Variants in ESRRG observed in about 807,000 individuals in gnomAD.
ESRRG encodes estrogen related receptor gamma.
Under a neutral mutation model 44.0 loss-of-function variants are expected in ESRRG, and 13 were observed. The observed-to-expected ratio is 0.30, with a 90% confidence interval of 0.19 to 0.47. ESRRG has a LOEUF of 0.47. Ranked by LOEUF, ESRRG falls within the 20% of genes least tolerant of loss-of-function variation. The pLI is 1.00. For missense variants in ESRRG, 395 were observed against 580.6 expected (o/e 0.68, Z 3.29); for synonymous variants, 215 against 214.6 (o/e 1.00, Z -0.02).
intron 2 of ESRRG, among the ~76,000 whole-genome samples, chr1:216,816,990 C>G (rs2095158163): frequency 6.6e-6 from 1 of 151,602 alleles, no homozygotes; most frequent in African/African-American, 2.4e-5. Context: ...AATATCACAA[C>G]CAAATTTAAA....
chr1:216,565,383 A>T (rs559454894), intron 4 of ESRRG, among the ~76,000 whole-genome samples: 2 of 152,294 alleles, frequency 1.3e-5, no homozygotes, highest in South Asian at 4.1e-4. Context: ...ACATATTTAA[A>T]TGTTCTATGT....
intron 1 of ESRRG, among the ~76,000 whole-genome samples, chr1:217,055,368 C>T (rs2086872024): frequency 6.6e-6 from 1 of 152,094 alleles, no homozygotes; most frequent in Non-Finnish European, 1.5e-5. Flanking sequence ...GCTGGCTGTA[C>T]AGGAGAACCA....
rs570378188 is a variant in ESRRG at position 216,783,444 on chromosome 1, T to A, written c.-13-105953A>T. 1.5e-3 allele frequency among the ~76,000 whole-genome samples: 221 copies of A among 152,186 alleles called. 1 individual carries two copies. The highest frequency in any genetic ancestry group is 2.6e-3 in the Non-Finnish European group (174 of 67,996). On this transcript the variant is annotated intron_variant, in intron 2 of 7. Coordinates refer to the ESRRG transcript ENST00000359162. ...CAGAAATTCTCTTTTACAGTTTCAA[T>A]TTTTTTATCTTTAATCTTTAATTAA... is the stretch of plus-strand genomic sequence containing the variant.
chr1:216,920,519 C>T (rs546269791), intron 2 of ESRRG, among the ~76,000 whole-genome samples: 20 of 152,044 alleles, frequency 1.3e-4, no homozygotes, highest in Non-Finnish European at 2.5e-4. Context: ...TATTTAATGA[C>T]GTCTTTTTAT....
At chr1:217,125,715 C>T (rs745901860) in intron 1 of ESRRG, among the ~76,000 whole-genome samples, 12 of 152,180 alleles carry the variant, frequency 7.9e-5, no homozygotes, top group Non-Finnish European at 1.2e-4. Flanking sequence ...TGGAAGATCA[C>T]TTTGAATCTA....
At chr1:216,888,243 A>C (rs1210672234) in intron 2 of ESRRG, among the ~76,000 whole-genome samples, 1 of 152,208 alleles carries the variant, frequency 6.6e-6, no homozygotes, top group Non-Finnish European at 1.5e-5. Context: ...ATTCGTTATT[A>C]CAGCTGCAGA....
chr1:217,060,805 T>TAGAC (rs1558152332), intron 1 of ESRRG, among the ~76,000 whole-genome samples: 956 of 57,932 alleles, frequency 0.017, 9 homozygotes, highest in African/African-American at 0.039. Context: ...GATAGATAGA[T>TAGAC]AGATAGATAG....
At chr1:216,912,133 A>AAGAAG (rs1560080797) in intron 2 of ESRRG, among the ~76,000 whole-genome samples, 5 of 23,522 alleles carry the variant, frequency 2.1e-4, no homozygotes, top group Non-Finnish European at 2.9e-4. Context: ...AAGAAAAGAA[A>AAGAAG]AGAAAAGAAA....
At chr1:217,023,335 G>A (rs1363576153) in intron 1 of ESRRG, among the ~76,000 whole-genome samples, 1 of 152,124 alleles carries the variant, frequency 6.6e-6, no homozygotes, top group African/African-American at 2.4e-5. Context: ...ACCAGGAGGA[G>A]GGTTCCCAGA....
chr1:217,125,913 T>G (rs150437998), intron 1 of ESRRG, among the ~76,000 whole-genome samples: 5 of 152,330 alleles, frequency 3.3e-5, no homozygotes, highest in African/African-American at 1.2e-4. Flanking sequence ...GAGAACCTCT[T>G]GTGGGTATTA....
Position 216,756,930 on chromosome 1 carries a change from T to C in ESRRG, c.-13-79439A>G, listed in dbSNP as rs148820157. On this transcript the variant is annotated intron_variant, in intron 2 of 7. Coordinates refer to the ESRRG transcript ENST00000359162. ...AAACATTATCACAAATAGGCCCATA[T>C]CTCATAACTGAGATGTCTAGGGTAC... Among the ~76,000 whole-genome samples, 89 of 152,038 alleles carry C rather than the reference T, an allele frequency of 5.9e-4. 1 individual carries two copies. The East Asian group carries it at 0.013, about 23-fold the overall frequency.
At chr1:216,926,751 C>T (rs1369688628) in intron 2 of ESRRG, among the ~76,000 whole-genome samples, 2 of 152,096 alleles carry the variant, frequency 1.3e-5, no homozygotes, top group Admixed American at 6.6e-5. Flanking sequence ...TAATATTTCC[C>T]CTGGGGGATC....
At chr1:216,531,484 A>G (rs1198499219) in intron 5 of ESRRG, among the ~76,000 whole-genome samples, 1 of 152,094 alleles carries the variant, frequency 6.6e-6, no homozygotes, top group African/African-American at 2.4e-5. Flanking sequence ...CTCATTGACA[A>G]TAGAGGCAAC....
intron 2 of ESRRG, among the ~76,000 whole-genome samples, chr1:216,934,654 A>C (rs942233078): frequency 2.0e-5 from 3 of 152,142 alleles, no homozygotes; most frequent in Non-Finnish European, 2.9e-5. Context: ...AACCATCACA[A>C]GAATAGTATG....
At position 216,506,821 on chromosome 1, in the gene ESRRG, C is replaced by G. The variant is rs906705830; in HGVS notation, c.*118G>C. Reference sequence around the variant, plus strand: ...CTTCATAGTCTTGCTGCTAAATTATCAGTGCAGTCTGTTGATTTTTGATGT... The same window carrying G: ...CTTCATAGTCTTGCTGCTAAATTATGAGTGCAGTCTGTTGATTTTTGATGT... On this transcript the variant is annotated 3_prime_UTR_variant, in exon 7 of 7. Transcript: ENST00000408911. 1.6e-5 allele frequency: 18 copies of G among 1,110,276 alleles called. No homozygotes were observed. In the African/African-American group the frequency reaches 2.8e-4, roughly 18 times the overall value. 68.8% of individuals were successfully genotyped at this position (1,110,276 alleles called of 1,614,324 possible).
chr1:216,703,218 C>A (rs1005838972), intron 1 of ESRRG, among the ~76,000 whole-genome samples: 3 of 152,078 alleles, frequency 2.0e-5, no homozygotes, highest in Admixed American at 6.5e-5. Flanking sequence ...GGTGTCCAAG[C>A]TTTTGGCTTT....
chr1:216,685,593 A>G (rs1053623675), intron 1 of ESRRG, among the ~76,000 whole-genome samples: 7 of 152,224 alleles, frequency 4.6e-5, no homozygotes, highest in African/African-American at 1.4e-4. Flanking sequence ...TAGAAAGTCT[A>G]TGCACTGATC....
rs35043282 is a variant in ESRRG at position 216,891,794 on chromosome 1, C to CTTTT, written c.-14+47784_-14+47787dup. ...AAATATACTCTTAGTGTGGTGCCCG[C>CTTTT]TTTTTTTTTTTTTTTTTTTTTTTGA... On this transcript the variant is annotated intron_variant, in intron 2 of 7. Transcript: ENST00000359162. Among the ~76,000 whole-genome samples the CTTTT allele has an allele frequency of 1.0e-3, 103 of 102,378 alleles. 2 individuals carry two copies. Among genetic ancestry groups the CTTTT allele is most frequent in the African/African-American group, 2.2e-3 (51 of 23,108 alleles). 67.2% of individuals were successfully genotyped at this position (102,378 alleles called of 152,430 possible). A position where few individuals can be genotyped will look rare whatever the true frequency, so the allele number is the denominator to read the frequency against.
intron 1 of ESRRG, among the ~76,000 whole-genome samples, chr1:216,948,738 G>A (rs1272406792): frequency 1.3e-5 from 2 of 152,106 alleles, no homozygotes; most frequent in African/African-American, 4.8e-5. Context: ...TGGTTCAAGT[G>A]GGTGTTTGTT....
Sources: gnomAD v4.1 joint callset for allele counts (sites outside exome capture counted in the v4.1 genomes callset) on GRCh38, gnomAD v4.1.1 for gene constraint, MANE v1.5 for transcripts, NCBI Gene and HGNC (gene_info 2026-07-23, HGNC 2026-07-21) for gene names.